The following TMEM243 variants were observed in gnomAD, a reference collection of about 807,000 sequenced individuals.
TMEM243 encodes MDR1 and mitochondrial taxol resistance associated.
In TMEM243, 20 loss-of-function variants were observed where a neutral mutation model predicts 15.0. The ratio of observed to expected loss-of-function variants is 1.33; its 90% CI spans 0.94 to 1.93. The LOEUF (loss-of-function observed/expected upper bound fraction) is 1.93. TMEM243 is among the 30% of genes most tolerant of loss of function. The pLI is 0.00. For synonymous variants in TMEM243, 72 were observed against 52.7 expected, an observed-to-expected ratio of 1.37 and a Z score of -1.59; for missense variants, 156 against 142.1, an observed-to-expected ratio of 1.10 and a Z score of -0.50.
At chr7:87,200,760 CAA>C (rs1440622543) in intron 1 of TMEM243, among the ~76,000 whole-genome samples, 1 of 152,152 alleles carries the variant, frequency 6.6e-6, no homozygotes, top group East Asian at 1.9e-4. Flanking sequence ...CCCAAGATCT[CAA>C]TACCATTAAG....
intron 1 of TMEM243, among the ~76,000 whole-genome samples, chr7:87,205,570 A>G (rs917268904): frequency 6.6e-6 from 1 of 152,156 alleles, no homozygotes; most frequent in African/African-American, 2.4e-5. Context: ...AAGTTCCACA[A>G]ATCTCTAGGG....
At chr7:87,204,080 CG>C (rs1424262963) in intron 1 of TMEM243, among the ~76,000 whole-genome samples, 2 of 152,152 alleles carry the variant, frequency 1.3e-5, no homozygotes, top group Non-Finnish European at 2.9e-5. Context: ...GTGATAGGCA[CG>C]TCTTACATGA....
intron 1 of TMEM243, among the ~76,000 whole-genome samples, chr7:87,209,448 CAGTGAGACAGACAG>C (rs1181910654): frequency 3.3e-5 from 5 of 149,920 alleles, no homozygotes; most frequent in East Asian, 4.0e-4. Flanking sequence ...GAGATTGAGA[CAGTGAGACAGACAG>C]AGTGAGACAG....
intron 1 of TMEM243, among the ~76,000 whole-genome samples, chr7:87,203,511 A>G (rs1335179022): frequency 6.6e-6 from 1 of 151,870 alleles, no homozygotes; most frequent in Non-Finnish European, 1.5e-5. Flanking sequence ...GCTACTTGGG[A>G]GGCTGAGGTG....
rs1801231684 is a variant in TMEM243 at position 87,196,388 on chromosome 7, T to G, written c.*248A>C. ...AATTATAAAAATTTCATTTCAAAAG[T>G]GAAATTTTTTTGTGCTGTTTTAGCT... On this transcript the variant is annotated 3_prime_UTR_variant, in exon 4 of 4. Transcript: ENST00000257637. 1 of 340,942 alleles carries G rather than the reference T, an allele frequency of 2.9e-6. No homozygotes were observed. Among genetic ancestry groups the G allele is most frequent in the African/African-American group, 2.1e-5 (1 of 46,712 alleles). 21.1% of individuals were successfully genotyped at this position (340,942 alleles called of 1,614,324 possible). A position where few individuals can be genotyped will look rare whatever the true frequency, so the allele number is the denominator to read the frequency against.
chr7:87,200,426 G>A (rs909467278), intron 1 of TMEM243, among the ~76,000 whole-genome samples: 8 of 152,166 alleles, frequency 5.3e-5, no homozygotes, highest in African/African-American at 1.9e-4. Flanking sequence ...CATAAAATGT[G>A]TAGAGAGACA....
chr7:87,217,756 T>C (rs1476083697), intron 1 of TMEM243, among the ~76,000 whole-genome samples: 1 of 152,232 alleles, frequency 6.6e-6, no homozygotes, highest in Non-Finnish European at 1.5e-5. Context: ...TATATTCTTG[T>C]AGTAAGTAAG....
At chr7:87,204,128 G>T (rs1306062515) in intron 1 of TMEM243, among the ~76,000 whole-genome samples, 2 of 152,146 alleles carry the variant, frequency 1.3e-5, no homozygotes, top group African/African-American at 4.8e-5. Flanking sequence ...CAAGCAAAAG[G>T]GGAAACCCCT....
chr7:87,207,202 C>G (rs527973543), intron 1 of TMEM243, among the ~76,000 whole-genome samples: 1 of 152,358 alleles, frequency 6.6e-6, no homozygotes. Context: ...ATTTATAAGG[C>G]ATCACAGCTC....
chr7:87,219,635 C>A lies in TMEM243; in HGVS notation c.-132G>T, dbSNP rs2129243239. On this transcript the variant is annotated 5_prime_UTR_variant, in exon 1 of 4. Transcript: ENST00000257637. Reference sequence around the variant, plus strand: ...CCGAACCCGAGTGGTCGGGGAAGCGCTGGCGCCAGGGATGGGTGGGGGCTC... The same window carrying A: ...CCGAACCCGAGTGGTCGGGGAAGCGATGGCGCCAGGGATGGGTGGGGGCTC... The A allele has an allele frequency of 2.6e-6, 2 of 775,284 alleles. No individual in the cohort carries two copies. Among genetic ancestry groups the A allele is most frequent in the South Asian group, 3.3e-5 (2 of 59,712 alleles). The allele number at this position is 775,284 out of a possible 1,614,324, so 48.0% of individuals were successfully genotyped here. A position where few individuals can be genotyped will look rare whatever the true frequency, so the allele number is the denominator to read the frequency against.
At chr7:87,209,061 G>A (rs764819545) in intron 1 of TMEM243, among the ~76,000 whole-genome samples, 1 of 152,218 alleles carries the variant, frequency 6.6e-6, no homozygotes, top group Non-Finnish European at 1.5e-5. Flanking sequence ...TGGGTGGACT[G>A]CCCCTGCTTC....
At chr7:87,198,716 T>C (rs1467876649) in intron 2 of TMEM243, 11 of 445,090 alleles carry the variant, frequency 2.5e-5, no homozygotes, top group East Asian at 8.8e-5. Context: ...TGGGGAATTA[T>C]GGTAGATGAC....
chr7:87,209,689 A>AGACACAGTGAGAGCGAGACACT, intron 1 of TMEM243, among the ~76,000 whole-genome samples: 1 of 61,472 alleles, frequency 1.6e-5, no homozygotes, highest in Admixed American at 1.6e-4. Flanking sequence ...AGACACAGCG[A>AGACACAGTGAGAGCGAGACACT]GAGAGCGAGA....
chr7:87,196,703 T>G lies in TMEM243; in HGVS notation c.290A>C (p.Tyr97Ser). 2.5e-6 allele frequency: 4 copies of G among 1,608,508 alleles called. No homozygotes were observed. Among genetic ancestry groups the G allele is most frequent in the Non-Finnish European group, 3.4e-6 (4 of 1,176,698 alleles). ...CAACATGATGATAGAAAATATGATA[T>G]AGTAAATTAGCTTTCTAAATTTCGG... ...LEPKFRKLIYYIIFSIIMLCI... is the reference protein window; with the variant it reads ...LEPKFRKLIYSIIFSIIMLCI... Residue 97 changes from tyrosine to serine, a missense_variant, in exon 4 of 4, where the codon TAT becomes TCT. By Grantham distance (144) the Tyr-to-Ser change is moderately radical (BLOSUM62 -2). Transcript: ENST00000257637.
Position 87,198,344 on chromosome 7 carries a change from A to G in TMEM243, c.130-299T>C, listed in dbSNP as rs190360013. ...CAGGATTAATGATTCTGCTGGTAAA[A>G]GTTCTAGCCATTTTGTTATTTTAAA... On this transcript the variant is annotated intron_variant, in intron 2 of 3. Transcript: ENST00000257637. The G allele has an allele frequency of 6.7e-4, 198 of 295,834 alleles. 1 individual carries two copies. The Admixed American group carries it at 9.1e-3, about 14-fold the overall frequency. The allele number at this position is 295,834 out of a possible 1,614,324, so 18.3% of individuals were successfully genotyped here.
At chr7:87,200,525 C>T (rs1201535750) in intron 1 of TMEM243, among the ~76,000 whole-genome samples, 2 of 152,144 alleles carry the variant, frequency 1.3e-5, no homozygotes, top group African/African-American at 4.8e-5. Context: ...GCACTGCATA[C>T]CTCATAACAG....
intron 1 of TMEM243, among the ~76,000 whole-genome samples, chr7:87,203,350 C>G (rs116869898): frequency 1.3e-3 from 194 of 152,304 alleles, no homozygotes; most frequent in Admixed American, 4.6e-3. Context: ...TGGTGGCTCA[C>G]ACCTGTAATC....
intron 1 of TMEM243, among the ~76,000 whole-genome samples, chr7:87,206,362 C>A (rs1260138890): frequency 6.6e-6 from 1 of 152,234 alleles, no homozygotes; most frequent in Non-Finnish European, 1.5e-5. Flanking sequence ...TCACTTTGCT[C>A]AGTCTTTACA....
intron 1 of TMEM243, among the ~76,000 whole-genome samples, chr7:87,214,020 C>G (rs1050294385): frequency 9.2e-5 from 14 of 152,192 alleles, no homozygotes; most frequent in African/African-American, 3.1e-4. Flanking sequence ...GGATGAGTCA[C>G]TTATTTTGTG....
Sources: gnomAD v4.1 joint callset for allele counts (sites outside exome capture counted in the v4.1 genomes callset) on GRCh38, gnomAD v4.1.1 for gene constraint, MANE v1.5 for transcripts, NCBI Gene and HGNC (gene_info 2026-07-23, HGNC 2026-07-21) for gene names.